Variants in IQGAP2 observed in about 807,000 individuals in gnomAD.
IQGAP2 encodes IQ motif containing GTPase activating protein 2.
In IQGAP2, 173 loss-of-function variants were observed where a neutral mutation model predicts 201.3. The ratio of observed to expected loss-of-function variants is 0.86; its 90% CI spans 0.76 to 0.98. IQGAP2 has a LOEUF of 0.98. Among genes scored for constraint, IQGAP2 ranks in the 50% least tolerant of loss-of-function variants. The pLI is 0.00. For missense variants in IQGAP2, 1,687 were observed against 1,864.8 expected, an observed-to-expected ratio of 0.90 and a Z score of 1.76; for synonymous variants, 675 against 673.9, an observed-to-expected ratio of 1.00 and a Z score of -0.03.
rs187579366 is a variant in IQGAP2 at position 76,574,241 on chromosome 5, T to G, written c.382-1452T>G. 9.8e-5 allele frequency among the ~76,000 whole-genome samples: 15 copies of G among 152,346 alleles called. No individual in the cohort carries two copies. In the East Asian group the frequency reaches 2.9e-3, roughly 29 times the overall value. ...CTCAAGCTTAATTATTTTTTGTGTG[T>G]GCTTAGGAACAGAGAAGTTTGGTGC... On this transcript the variant is annotated intron_variant, in intron 4 of 35. Transcript: ENST00000274364.
chr5:76,634,146 C>A (rs1750935310), intron 15 of IQGAP2, among the ~76,000 whole-genome samples: 1 of 152,182 alleles, frequency 6.6e-6, no homozygotes, highest in Non-Finnish European at 1.5e-5. Flanking sequence ...TAAAGTTTCA[C>A]TGAAATCCAG....
Position 76,683,132 on chromosome 5 carries a change from G to A in IQGAP2, c.3678G>A (p.Gln1226=). ...ACATAAAGCTCCTGTTGGAACACCA[G>A]GATGCAATTGCCCCTGAGAAAAATG... ...ISTHSLLLEH[Q]DAIAPEKNDL... is the part of the protein sequence containing the mutation. The change falls in exon 29 of 36, where the codon CAG becomes CAA. Residue 1226 remains glutamine (Q), a synonymous_variant. Transcript: ENST00000274364. The A allele has an allele frequency of 6.2e-7, 1 of 1,610,764 alleles. No homozygotes were observed. The highest frequency in any genetic ancestry group is 8.5e-7 in the Non-Finnish European group (1 of 1,178,226).
chr5:76,466,396 G>A (rs1754782688), intron 2 of IQGAP2, among the ~76,000 whole-genome samples: 1 of 152,114 alleles, frequency 6.6e-6, no homozygotes, highest in African/African-American at 2.4e-5. Flanking sequence ...AGTCAAAAGT[G>A]TCTTGAAAAA....
At chr5:76,542,731 C>T (rs2150221975) in intron 2 of IQGAP2, among the ~76,000 whole-genome samples, 1 of 152,342 alleles carries the variant, frequency 6.6e-6, no homozygotes, top group East Asian at 1.9e-4. Flanking sequence ...TTTGTCTCCT[C>T]ATACCTGGAA....
At chr5:76,492,636 G>A (rs577908620) in intron 2 of IQGAP2, among the ~76,000 whole-genome samples, 3 of 152,198 alleles carry the variant, frequency 2.0e-5, no homozygotes, top group Non-Finnish European at 4.4e-5. Context: ...CTGACGTACA[G>A]AAGAGTGTGT....
intron 13 of IQGAP2, among the ~76,000 whole-genome samples, chr5:76,620,036 C>T (rs1270750952): frequency 1.3e-5 from 2 of 152,158 alleles, no homozygotes; most frequent in Non-Finnish European, 2.9e-5. Flanking sequence ...CTCCTAGAGC[C>T]TCGAGAATGA....
chr5:76,513,069 A>AG (rs1379173318), intron 2 of IQGAP2, among the ~76,000 whole-genome samples: 3 of 151,578 alleles, frequency 2.0e-5, no homozygotes, highest in African/African-American at 7.3e-5. Flanking sequence ...AGAAAAAAAA[A>AG]AAGAAAAAAG....
chr5:76,619,184 A>G (rs955866859), intron 13 of IQGAP2, among the ~76,000 whole-genome samples: 1 of 152,236 alleles, frequency 6.6e-6, no homozygotes, highest in Admixed American at 6.5e-5. Context: ...AGTTTTAAAT[A>G]AAATCCATTT....
At chr5:76,611,441 T>A (rs984499504) in intron 13 of IQGAP2, among the ~76,000 whole-genome samples, 1 of 152,184 alleles carries the variant, frequency 6.6e-6, no homozygotes, top group Non-Finnish European at 1.5e-5. Context: ...CAGAGTTCAA[T>A]TCATTGACTA....
rs57811893 is a variant in IQGAP2 at position 76,670,893 on chromosome 5, G to A, written c.2844-866G>A. Among the ~76,000 whole-genome samples, 962 of 152,332 alleles carry A rather than the reference G, an allele frequency of 6.3e-3. 14 individuals carry two copies. The highest frequency in any genetic ancestry group is 0.021 in the African/African-American group (892 of 41,564). On this transcript the variant is annotated intron_variant, in intron 23 of 35. Transcript: ENST00000274364. ...TATTGCTAGTCCTGGTCCATTTTCA[G>A]CTCATACCTGCCTTCTAGATTGAAA...
At chr5:76,446,121 G>A (rs369987849) in intron 1 of IQGAP2, among the ~76,000 whole-genome samples, 1 of 152,068 alleles carries the variant, frequency 6.6e-6, no homozygotes. Context: ...CTTCCTTTTG[G>A]CTATTGTGAA....
intron 5 of IQGAP2, among the ~76,000 whole-genome samples, chr5:76,580,514 TC>T (rs1561481027): frequency 6.6e-6 from 1 of 152,220 alleles, no homozygotes; most frequent in Non-Finnish European, 1.5e-5. Flanking sequence ...TTAATAATGC[TC>T]CCCAACTTGT....
chr5:76,650,346 T>C (rs1246633519), intron 17 of IQGAP2, among the ~76,000 whole-genome samples: 1 of 152,254 alleles, frequency 6.6e-6, no homozygotes, highest in Non-Finnish European at 1.5e-5. Flanking sequence ...TAGTTGCCTT[T>C]ATAAAGTAGC....
intron 2 of IQGAP2, among the ~76,000 whole-genome samples, chr5:76,474,276 A>C (rs1275844232): frequency 6.6e-6 from 1 of 152,172 alleles, no homozygotes. Context: ...AGAAAGCTCA[A>C]ATGAGTCTCT....
chr5:76,635,035 C>G (rs1368758312), intron 15 of IQGAP2, among the ~76,000 whole-genome samples: 1 of 152,172 alleles, frequency 6.6e-6, no homozygotes, highest in Non-Finnish European at 1.5e-5. Context: ...TTCCTATTAC[C>G]TACTGACATC....
intron 13 of IQGAP2, among the ~76,000 whole-genome samples, chr5:76,622,053 A>G (rs916561858): frequency 6.6e-6 from 1 of 152,116 alleles, no homozygotes; most frequent in Non-Finnish European, 1.5e-5. Flanking sequence ...GCCTAAAACA[A>G]AACAAAACCA....
intron 1 of IQGAP2, among the ~76,000 whole-genome samples, chr5:76,451,952 G>C (rs141901168): frequency 3.7e-4 from 56 of 152,226 alleles, no homozygotes; most frequent in African/African-American, 1.2e-3. Flanking sequence ...CATGAGAATG[G>C]CTTGAACTCA....
intron 2 of IQGAP2, among the ~76,000 whole-genome samples, chr5:76,534,611 C>T (rs1427257871): frequency 6.6e-6 from 1 of 152,208 alleles, no homozygotes. Context: ...CTCATTAATA[C>T]TTGTTTTCCC....
intron 2 of IQGAP2, among the ~76,000 whole-genome samples, chr5:76,471,364 C>CAAAAAAAAAAAAAAAA (rs59781605): frequency 5.5e-5 from 4 of 72,522 alleles, no homozygotes; most frequent in East Asian, 3.7e-4. Flanking sequence ...ATAAACTAAG[C>CAAAAAAAAAAAAAAAA]AAAAAAAAAA....
Sources: gnomAD v4.1 joint callset for allele counts (sites outside exome capture counted in the v4.1 genomes callset) on GRCh38, gnomAD v4.1.1 for gene constraint, MANE v1.5 for transcripts, NCBI Gene and HGNC (gene_info 2026-07-23, HGNC 2026-07-21) for gene names.